Variants in ZNF653 observed in about 807,000 individuals in gnomAD.
ZNF653 encodes the protein 67 kDa zinc finger protein.
A neutral mutation model predicts 59.9 loss-of-function variants in ZNF653; 37 were observed. That is an observed-to-expected ratio of 0.62 (90% CI 0.48 to 0.81). The LOEUF is 0.81. Ranked by LOEUF, ZNF653 falls within the 40% of genes least tolerant of loss-of-function variation. The pLI, the probability that ZNF653 is intolerant of heterozygous loss-of-function variation, is 0.00. For synonymous variants in ZNF653, 435 were observed against 371.8 expected, an observed-to-expected ratio of 1.17 and a Z score of -1.96; for missense variants, 808 against 881.1, an observed-to-expected ratio of 0.92 and a Z score of 1.05.
At position 11,487,223 on chromosome 19, in the gene ZNF653, G is replaced by C. The variant is rs1599560762; in HGVS notation, c.1172-65C>G. 2.5e-6 allele frequency: 4 copies of C among 1,598,516 alleles called. No homozygotes were observed. In the East Asian group the frequency reaches 8.9e-5, roughly 36 times the overall value. ...GGCTGCCGAGGTGCCCACTTCGAGG[G>C]CCATTCCTCGCCCGGCCCCTCCCAG... On this transcript the variant is annotated intron_variant, in intron 4 of 8. Transcript: ENST00000293771. This position sits in a 1 kb window ranked among gnomAD's most constrained non-coding sequence, Gnocchi z 5.1.
rs201418430 is a variant in ZNF653 at position 11,487,448 on chromosome 19, T to C, written c.1015A>G (p.Met339Val). ...ALTAEGIHLN[M>V]AAGSGVPGSG... is the part of the protein sequence containing the mutation. ...CCGGGGACACCGCTGCCTGCTGCCA[T>C]GTTGAGGTGAATGCCCTCGGCCGTG... Residue 339 changes from methionine to valine, a missense_variant, in exon 4 of 9, where the codon ATG (methionine) becomes GTG (valine). Coordinates refer to ENST00000293771, the MANE Select transcript of ZNF653 (RefSeq NM_138783.4). This position sits in a 1 kb window ranked among gnomAD's most constrained non-coding sequence, Gnocchi z 5.1. 316 of 1,612,752 alleles carry C rather than the reference T, an allele frequency of 2.0e-4. No homozygotes were observed. The highest frequency in any genetic ancestry group is 2.2e-4 in the Non-Finnish European group (261 of 1,179,966).
In ZNF653 at chr19:11,499,907, T is replaced by C. The variant is rs1362369883; in HGVS notation, c.300-1568A>G. ...CAACCTGGGCAACAGAGTAAAACCG[T>C]GTCTCAAAAACAAAGAAACAAACAA... On this transcript the variant is annotated intron_variant, in intron 1 of 8. Transcript: ENST00000293771. 3.9e-5 allele frequency among the ~76,000 whole-genome samples: 6 copies of C among 152,100 alleles called. No homozygotes were observed. The East Asian group carries it at 1.2e-3, about 29-fold the overall frequency.
chr19:11,505,329 G>C (rs1223708919), intron 1 of ZNF653, 159 bp downstream of exon 1: 3 of 709,394 alleles, frequency 4.2e-6, no homozygotes, highest in Non-Finnish European at 6.3e-6. Context: ...AGCCAGGCGC[G>C]TCCCGGCCAG....
intron 7 of ZNF653, among the ~76,000 whole-genome samples, chr19:11,484,902 T>A (rs1226280131): frequency 1.3e-5 from 2 of 148,176 alleles, no homozygotes; most frequent in African/African-American, 5.1e-5. Flanking sequence ...AAAAAAAAAA[T>A]TAGCTGGCAT....
chr19:11,496,229 C>T, intron 2 of ZNF653, 64 bp from the exon 3 acceptor site: 1 of 1,516,782 alleles, frequency 6.6e-7, no homozygotes, highest in Non-Finnish European at 9.0e-7. Context: ...GACATGGCTG[C>T]CTGAACCACC....
At chr19:11,498,257 C>T in intron 2 of ZNF653, 39 bp downstream of exon 2, 1 of 1,613,578 alleles carries the variant, frequency 6.2e-7, no homozygotes, top group South Asian at 1.1e-5. Flanking sequence ...CCACCGCTCC[C>T]AACTCTCCCC....
At chr19:11,485,110 C>T (rs1568392563) in intron 7 of ZNF653, among the ~76,000 whole-genome samples, 1 of 152,028 alleles carries the variant, frequency 6.6e-6, no homozygotes. Context: ...TTCTGACCTC[C>T]TGTGATATCA....
chr19:11,490,313 C>T (rs1971517255), intron 3 of ZNF653, among the ~76,000 whole-genome samples: 2 of 152,206 alleles, frequency 1.3e-5, no homozygotes, highest in South Asian at 4.1e-4. Context: ...GGGGGTACCA[C>T]CGTCCCAGCA....
At position 11,498,235 on chromosome 19, in the gene ZNF653, A is replaced by T. The variant is rs956352314; in HGVS notation, c.343+61T>A. ...AGCGACCTGGCCTCTCTGGGCCTCCATCTCCATATTCCCACCGCTCCCAAC... is the reference window on the plus strand; with the variant it reads ...AGCGACCTGGCCTCTCTGGGCCTCCTTCTCCATATTCCCACCGCTCCCAAC... On this transcript the variant is annotated intron_variant, in intron 2 of 8. Transcript: ENST00000293771. The T allele has an allele frequency of 4.3e-6, 7 of 1,611,050 alleles. No individual in the cohort carries two copies. In the African/African-American group the frequency reaches 9.4e-5, roughly 22 times the overall value.
chr19:11,500,142 T>A (rs1971628782), intron 1 of ZNF653, among the ~76,000 whole-genome samples: 1 of 152,116 alleles, frequency 6.6e-6, no homozygotes, highest in Non-Finnish European at 1.5e-5. Context: ...CCCGTCTGAC[T>A]CCTGCCCAGC....
intron 3 of ZNF653, among the ~76,000 whole-genome samples, chr19:11,493,709 A>C (rs557925359): frequency 1.5e-4 from 23 of 152,294 alleles, no homozygotes; most frequent in African/African-American, 5.5e-4. Context: ...CTCCTCAGGT[A>C]ATGACAGCAC....
At position 11,505,773 on chromosome 19, in the gene ZNF653, G is replaced by A. The variant is rs1054570944; in HGVS notation, c.14C>T (p.Ala5Val). ...CTCCGCCTCCGCCTCGGGCTCTAGC[G>A]CCCGCTCCGCCATCCCCCCCACCCT... MAER[A>V]LEPEAEAEAE... Residue 5 changes from alanine (A) to valine (V), a missense_variant, in exon 1 of 9, where the codon GCG becomes GTG. By Grantham distance (64) the Ala-to-Val change is moderately conservative. Coordinates refer to ENST00000293771, the MANE Select transcript of ZNF653 (RefSeq NM_138783.4). The A allele has an allele frequency of 5.7e-6, 8 of 1,391,470 alleles. No homozygotes were observed. In the African/African-American group the frequency reaches 1.1e-4, roughly 19 times the overall value. The allele number at this position is 1,391,470 out of a possible 1,614,324, so 86.2% of individuals were successfully genotyped here.
Position 11,495,343 on chromosome 19 carries a change from AAG to A in ZNF653, c.559+605_559+606del, listed in dbSNP as rs1379839124. On this transcript the variant is annotated intron_variant, in intron 3 of 8. Coordinates refer to ENST00000293771, the MANE Select transcript of ZNF653 (RefSeq NM_138783.4). The surrounding 1 kb of genome is among the most constrained non-coding windows in gnomAD (Gnocchi z 4.9). The stretch of plus-strand genomic sequence containing the variant: ...AAGGGGAATAGAAGGAAACAAGAGA[AAG>A]AGAGAGAGGGAGATGAGACAGAAAA... 6.6e-6 allele frequency among the ~76,000 whole-genome samples: 1 copy of A among 152,028 alleles called. No homozygotes were observed. The highest frequency in any genetic ancestry group is 1.5e-5 in the Non-Finnish European group (1 of 68,000).
intron 1 of ZNF653, among the ~76,000 whole-genome samples, chr19:11,502,486 T>C (rs1486474625): frequency 2.0e-5 from 3 of 152,164 alleles, no homozygotes; most frequent in African/African-American, 7.2e-5. Flanking sequence ...CAACCTTGTA[T>C]CACAATGTGT....
intron 6 of ZNF653, 55 bp from the exon 7 acceptor site, chr19:11,485,825 G>A (rs1271067536): frequency 1.3e-5 from 18 of 1,408,072 alleles, no homozygotes; most frequent in South Asian, 2.3e-5. Context: ...GGGGCTCTGG[G>A]AGGTGGGGAG....
At position 11,492,538 on chromosome 19, in the gene ZNF653, G is replaced by T. The variant is rs1050747002; in HGVS notation, c.559+3412C>A. ...TTTTTCATTTTTTTGCTAGAGATGG[G>T]GTCTCACTATGTTGCCCAGGCTGTT... is the stretch of plus-strand genomic sequence containing the variant. On this transcript the variant is annotated intron_variant, in intron 3 of 8. Coordinates refer to ENST00000293771, the MANE Select transcript of ZNF653 (RefSeq NM_138783.4). Among the ~76,000 whole-genome samples the T allele has an allele frequency of 2.6e-5, 4 of 151,630 alleles. No homozygotes were observed. The South Asian group carries it at 8.3e-4, about 31-fold the overall frequency.
Position 11,505,728 on chromosome 19 carries a change from C to CCGCCCG in ZNF653, c.53_58dup (p.Ala18_Gly19dup), listed in dbSNP as rs1568399285. The CCGCCCG allele has an allele frequency of 6.2e-6, 9 of 1,458,430 alleles. No homozygotes were observed. Among genetic ancestry groups the CCGCCCG allele is most frequent in the South Asian group, 4.0e-5 (3 of 74,152 alleles). The allele number at this position is 1,458,430 out of a possible 1,614,324, so 90.3% of individuals were successfully genotyped here. On this transcript the variant is annotated inframe_insertion, in exon 1 of 9. Coordinates refer to ENST00000293771, the MANE Select transcript of ZNF653 (RefSeq NM_138783.4). ...TGCGCCCTCCTCGGCTGCTGCCTCC[C>CCGCCCG]CGCCCGCGCCCGCCTCAGCCTCCGC...
intron 1 of ZNF653, chr19:11,504,439 C>T (rs1599570701): frequency 1.3e-6 from 1 of 775,478 alleles, no homozygotes; most frequent in Non-Finnish European, 1.6e-6. Flanking sequence ...ACAAAAAAAC[C>T]CCCCAGACCT....
At chr19:11,494,194 C>T (rs537263385) in intron 3 of ZNF653, among the ~76,000 whole-genome samples, 10 of 151,420 alleles carry the variant, frequency 6.6e-5, no homozygotes, top group East Asian at 5.9e-4. Context: ...TGGTGGCTCA[C>T]GCCTGTAATC....
Sources: allele counts gnomAD v4.1 joint callset (sites outside exome capture counted in the v4.1 genomes callset), GRCh38; gene constraint gnomAD v4.1.1; non-coding constraint Gnocchi (gnomAD v3.1); transcripts MANE v1.5; gene names NCBI Gene and HGNC (gene_info 2026-07-23, HGNC 2026-07-21).